The following NKAIN2 variants were observed in gnomAD, a reference collection of about 807,000 sequenced individuals.
The protein encoded by NKAIN2 is sodium/potassium-transporting ATPase subunit beta-1-interacting protein 2.
NKAIN2 carries 14 observed loss-of-function variants against 32.6 expected under a neutral mutation model. That is an observed-to-expected ratio of 0.43 (90% CI 0.28 to 0.67). The LOEUF (loss-of-function observed/expected upper bound fraction) is 0.67. Among genes scored for constraint, NKAIN2 ranks in the 30% least tolerant of loss-of-function variants. The pLI, the probability that NKAIN2 is intolerant of heterozygous loss-of-function variation, is 0.17. For synonymous variants in NKAIN2, 80 were observed against 87.2 expected (o/e 0.92, Z 0.46); for missense variants, 198 against 258.3 (o/e 0.77, Z 1.60).
chr6:124,091,599 T>G (rs546411415), intron 1 of NKAIN2, among the ~76,000 whole-genome samples: 1 of 152,118 alleles, frequency 6.6e-6, no homozygotes, highest in African/African-American at 2.4e-5. Context: ...TATCAAATTC[T>G]AAATTACTGA....
chr6:124,075,300 A>G (rs1364417565), intron 1 of NKAIN2, among the ~76,000 whole-genome samples: 1 of 152,184 alleles, frequency 6.6e-6, no homozygotes, highest in Admixed American at 6.5e-5. Flanking sequence ...ATGCAACTAT[A>G]TATGCTATAA....
chr6:124,109,378 T>C (rs1001082166), intron 1 of NKAIN2, among the ~76,000 whole-genome samples: 5 of 152,192 alleles, frequency 3.3e-5, no homozygotes, highest in African/African-American at 1.2e-4. Flanking sequence ...AAACTGATTT[T>C]TGCTGGTTGA....
At chr6:124,212,980 C>T (rs17637441) in intron 1 of NKAIN2, among the ~76,000 whole-genome samples, 8,634 of 152,098 alleles carry the variant, frequency 0.057, 329 homozygotes, top group Non-Finnish European at 0.081. Flanking sequence ...ATGTTTATTT[C>T]GTTAGATATA....
intron 3 of NKAIN2, among the ~76,000 whole-genome samples, chr6:124,388,774 C>A (rs1562148780): frequency 6.6e-6 from 1 of 152,028 alleles, no homozygotes. Flanking sequence ...GCTCTGCCTT[C>A]TTATTTTGGC....
At chr6:124,756,909 AT>A (rs1454802026) in intron 4 of NKAIN2, among the ~76,000 whole-genome samples, 1 of 152,042 alleles carries the variant, frequency 6.6e-6, no homozygotes, top group Non-Finnish European at 1.5e-5. Context: ...ATTTGCTTTT[AT>A]TTTAGTATTT....
intron 1 of NKAIN2, among the ~76,000 whole-genome samples, chr6:123,992,583 G>A (rs1464151521): frequency 6.6e-6 from 1 of 152,164 alleles, no homozygotes; most frequent in Non-Finnish European, 1.5e-5. Flanking sequence ...AATATTTACT[G>A]AGTTAAGACA....
intron 1 of NKAIN2, among the ~76,000 whole-genome samples, chr6:124,187,791 C>A (rs1326181199): frequency 6.6e-6 from 1 of 152,144 alleles, no homozygotes; most frequent in Admixed American, 6.5e-5. Context: ...TCTTTTTCCT[C>A]TTGACCCTCC....
intron 1 of NKAIN2, among the ~76,000 whole-genome samples, chr6:124,065,636 T>G (rs1783131472): frequency 6.6e-6 from 1 of 152,140 alleles, no homozygotes; most frequent in Non-Finnish European, 1.5e-5. Context: ...TGCCTTGATC[T>G]TGCACTTCCC....
chr6:124,260,429 C>T (rs1001660258), intron 1 of NKAIN2, among the ~76,000 whole-genome samples: 4 of 152,124 alleles, frequency 2.6e-5, no homozygotes, highest in African/African-American at 9.7e-5. Context: ...TTGAGTAAAT[C>T]ACTGAAAGAA....
chr6:124,471,917 T>C (rs2114674527), intron 3 of NKAIN2, among the ~76,000 whole-genome samples: 1 of 152,274 alleles, frequency 6.6e-6, no homozygotes, highest in South Asian at 2.1e-4. Flanking sequence ...TGGATAATTA[T>C]AGTTATTATT....
chr6:124,361,075 A>G (rs543010735), intron 3 of NKAIN2, among the ~76,000 whole-genome samples: 9 of 152,288 alleles, frequency 5.9e-5, no homozygotes, highest in Non-Finnish European at 1.2e-4. Flanking sequence ...TATTTTCAAC[A>G]CAGAAGAGAT....
rs1772718336 is a variant in NKAIN2 at position 123,868,799 on chromosome 6, T to G, written c.54+64545T>G. On this transcript the variant is annotated intron_variant, in intron 1 of 6. Transcript: ENST00000368417. ...CTTTACCACATGACCAACTGTACCT[T>G]GTACTCAGAACTCTGCATAATATTA... Among the ~76,000 whole-genome samples the G allele has an allele frequency of 2.6e-5, 4 of 152,332 alleles. No homozygotes were observed. In the South Asian group the frequency reaches 8.3e-4, roughly 32 times the overall value.
chr6:124,475,379 A>G (rs910319709), intron 3 of NKAIN2, among the ~76,000 whole-genome samples: 4 of 152,178 alleles, frequency 2.6e-5, no homozygotes, highest in African/African-American at 7.2e-5. Context: ...CTGAAATAAC[A>G]TAACAGTTTT....
At chr6:124,539,873 G>A (rs532286858) in intron 3 of NKAIN2, among the ~76,000 whole-genome samples, 19 of 152,004 alleles carry the variant, frequency 1.2e-4, no homozygotes, top group South Asian at 2.1e-4. Context: ...AGTGTATGCC[G>A]CTATGCCCAG....
At chr6:123,916,998 G>T (rs1425525569) in intron 1 of NKAIN2, among the ~76,000 whole-genome samples, 1 of 152,108 alleles carries the variant, frequency 6.6e-6, no homozygotes, top group African/African-American at 2.4e-5. Flanking sequence ...TTTTAAATTT[G>T]TGATGTTCCT....
rs1269724540 is a variant in NKAIN2 at position 124,076,384 on chromosome 6, C to T, written c.55-206621C>T. 5.3e-5 allele frequency among the ~76,000 whole-genome samples: 8 copies of T among 152,100 alleles called. No individual in the cohort carries two copies. The East Asian group carries it at 1.5e-3, about 29-fold the overall frequency. Reference sequence around the variant, plus strand: ...GAGGGAGTTGAGGTGATTGACGTTCCCCAAGGACCCTCTTCATTTGTGTTT... The same window carrying T: ...GAGGGAGTTGAGGTGATTGACGTTCTCCAAGGACCCTCTTCATTTGTGTTT... On this transcript the variant is annotated intron_variant, in intron 1 of 6. Transcript: ENST00000368417.
chr6:124,736,376 C>A (rs1454336695), intron 4 of NKAIN2, among the ~76,000 whole-genome samples: 1 of 151,866 alleles, frequency 6.6e-6, no homozygotes, highest in Non-Finnish European at 1.5e-5. Flanking sequence ...AGCCAGTGAT[C>A]CAGAAGATCT....
intron 1 of NKAIN2, among the ~76,000 whole-genome samples, chr6:124,171,625 C>T (rs1412269462): frequency 7.1e-6 from 1 of 141,728 alleles, no homozygotes; most frequent in East Asian, 2.1e-4. Flanking sequence ...CATCTCGGCT[C>T]ACTGCAACGT....
At chr6:124,037,349 C>T (rs1382843473) in intron 1 of NKAIN2, among the ~76,000 whole-genome samples, 4 of 152,120 alleles carry the variant, frequency 2.6e-5, no homozygotes, top group African/African-American at 9.7e-5. Context: ...AAGACTTGGA[C>T]ACTAATTAGA....
Sources: gnomAD v4.1 joint callset for allele counts (sites outside exome capture counted in the v4.1 genomes callset) on GRCh38, gnomAD v4.1.1 for gene constraint, MANE v1.5 for transcripts, NCBI Gene and HGNC (gene_info 2026-07-23, HGNC 2026-07-21) for gene names.